The following ZNF532 variants were observed in gnomAD, a reference collection of about 807,000 sequenced individuals.
The protein encoded by ZNF532 is zinc finger protein 532.
A neutral mutation model predicts 89.3 loss-of-function variants in ZNF532; 22 were observed. The observed-to-expected ratio is 0.25, with a 90% CI of 0.18 to 0.35. The LOEUF (loss-of-function observed/expected upper bound fraction) is 0.35. Ranked by LOEUF, ZNF532 falls within the 10% of genes least tolerant of loss-of-function variation. The probability of loss-of-function intolerance (pLI) is 1.00; values close to 1 mark genes in which losing one functional copy is unlikely to be tolerated. For missense variants in ZNF532, 1,132 were observed against 1,643.4 expected, an observed-to-expected ratio of 0.69 and a Z score of 5.38; for synonymous variants, 606 against 649.6, an observed-to-expected ratio of 0.93 and a Z score of 1.02.
At chr18:58,884,747 A>G (rs370237348) in intron 2 of ZNF532, among the ~76,000 whole-genome samples, 17 of 152,340 alleles carry the variant, frequency 1.1e-4, no homozygotes, top group African/African-American at 3.8e-4. Flanking sequence ...TTGAAATATT[A>G]AAATTCATCA....
Position 58,918,517 on chromosome 18 carries a change from G to T in ZNF532, c.230G>T (p.Gly77Val). ...CGGAACATTGACTCTTCCGAGGGCG[G>T]GGAGAAAGACGGCCACAACCCCACT... ...NVRNIDSSEG[G>V]EKDGHNPTGN... is the part of the protein sequence containing the mutation. Residue 77 changes from glycine (G) to valine (V), a missense_variant, in exon 3 of 10, where the codon GGG becomes GTG. Around this residue, in one of 9 missense-constraint regions of ZNF532, gnomAD observed 302 missense variants for 319.8 expected, o/e 0.94. Transcript: ENST00000591808. 1 of 1,614,208 alleles carries T rather than the reference G, an allele frequency of 6.2e-7. No homozygotes were observed. Among genetic ancestry groups the T allele is most frequent in the Non-Finnish European group, 8.5e-7 (1 of 1,180,048 alleles).
intron 2 of ZNF532, among the ~76,000 whole-genome samples, chr18:58,899,516 T>A (rs549991484): frequency 6.6e-6 from 1 of 152,314 alleles, no homozygotes; most frequent in East Asian, 1.9e-4. Context: ...TCACCCAGGC[T>A]GGAGTGCAGT....
intron 6 of ZNF532, among the ~76,000 whole-genome samples, chr18:58,948,499 G>A (rs917438880): frequency 6.7e-6 from 1 of 150,286 alleles, no homozygotes; most frequent in Non-Finnish European, 1.5e-5. Flanking sequence ...AAAGTACTAA[G>A]TTTTTTGTTT....
At chr18:58,880,708 G>A (rs945639599) in intron 2 of ZNF532, among the ~76,000 whole-genome samples, 2 of 142,314 alleles carry the variant, frequency 1.4e-5, no homozygotes, top group African/African-American at 5.0e-5. Flanking sequence ...TAAAGTTCAG[G>A]GTCTTTTATA....
At chr18:58,916,401 C>T (rs751167021) in intron 2 of ZNF532, among the ~76,000 whole-genome samples, 39 of 152,296 alleles carry the variant, frequency 2.6e-4, no homozygotes, top group Admixed American at 5.2e-4. Flanking sequence ...GATATTTGTA[C>T]GTCAGTATCC....
chr18:58,979,322 G>T (rs2067428024), intron 8 of ZNF532, 155 bp downstream of exon 8: 5 of 474,002 alleles, frequency 1.1e-5, no homozygotes, highest in South Asian at 6.4e-5. Context: ...TTTTGGATTG[G>T]GTTGTCACAC....
intron 5 of ZNF532, among the ~76,000 whole-genome samples, chr18:58,946,021 G>A (rs995710052): frequency 5.3e-5 from 8 of 152,080 alleles, no homozygotes; most frequent in African/African-American, 1.2e-4. Context: ...GAGCCACTGC[G>A]CCCGGCCAAG....
At chr18:58,923,830 C>T (rs1411554083) in intron 3 of ZNF532, among the ~76,000 whole-genome samples, 1 of 151,870 alleles carries the variant, frequency 6.6e-6, no homozygotes, top group South Asian at 2.1e-4. Flanking sequence ...TGTGCCAAGC[C>T]CCTCCTTTCC....
intron 3 of ZNF532, among the ~76,000 whole-genome samples, chr18:58,933,243 A>G (rs2146433726): frequency 6.6e-6 from 1 of 152,290 alleles, no homozygotes; most frequent in Non-Finnish European, 1.5e-5. Flanking sequence ...TTTTGTGATT[A>G]TAATAAACAT....
Position 58,984,561 on chromosome 18 carries a change from G to A in ZNF532, c.*95G>A. The A allele has an allele frequency of 1.4e-6, 2 of 1,421,820 alleles. No homozygotes were observed. Among genetic ancestry groups the A allele is most frequent in the Non-Finnish European group, 1.9e-6 (2 of 1,067,870 alleles). 88.1% of individuals were successfully genotyped at this position (1,421,820 alleles called of 1,614,324 possible). On this transcript the variant is annotated 3_prime_UTR_variant, in exon 10 of 10. Transcript: ENST00000591808. Reference sequence around the variant, plus strand: ...GCAGTATAATAGAGTTAACAGTACTGTCTAGGCTGTTGCAATATATTCTCT... The same window carrying A: ...GCAGTATAATAGAGTTAACAGTACTATCTAGGCTGTTGCAATATATTCTCT...
chr18:58,961,232 T>C (rs2065315885), intron 7 of ZNF532, among the ~76,000 whole-genome samples: 1 of 152,250 alleles, frequency 6.6e-6, no homozygotes, highest in South Asian at 2.1e-4. Context: ...CTGATGCTGA[T>C]GCTGATGCTG....
intron 3 of ZNF532, among the ~76,000 whole-genome samples, chr18:58,929,830 A>G (rs1603203192): frequency 6.6e-6 from 1 of 152,240 alleles, no homozygotes; most frequent in Non-Finnish European, 1.5e-5. Context: ...GAGATCTGAA[A>G]TGAAATGCTT....
chr18:58,902,362 G>A (rs768543170), intron 2 of ZNF532, among the ~76,000 whole-genome samples: 1 of 152,170 alleles, frequency 6.6e-6, no homozygotes, highest in African/African-American at 2.4e-5. Flanking sequence ...ATGAAATTTT[G>A]TTGCCCTTTT....
At chr18:58,933,179 G>A (rs1424331919) in intron 3 of ZNF532, among the ~76,000 whole-genome samples, 1 of 151,886 alleles carries the variant, frequency 6.6e-6, no homozygotes, top group East Asian at 1.9e-4. Flanking sequence ...TGAGAAAAGG[G>A]GTGCTATTTT....
chr18:58,949,031 CT>C (rs748660347), intron 6 of ZNF532, among the ~76,000 whole-genome samples: 407 of 141,488 alleles, frequency 2.9e-3, no homozygotes, highest in Non-Finnish European at 3.8e-3. Flanking sequence ...CTTTTAGTTT[CT>C]TTTTTTTTTT....
Position 58,871,512 on chromosome 18 carries a change from T to G in ZNF532, c.-18+5933T>G, listed in dbSNP as rs114062173. Among the ~76,000 whole-genome samples the G allele has an allele frequency of 4.8e-3, 737 of 152,348 alleles. 7 individuals carry two copies. The highest frequency in any genetic ancestry group is 0.016 in the African/African-American group (668 of 41,576). On this transcript the variant is annotated intron_variant, in intron 2 of 9. Coordinates refer to ENST00000591808, the MANE Select transcript of ZNF532 (RefSeq NM_001375912.1). ...TCGTAAGTGGAAGTGGAAACAGGATTTGAAACATGCTCCTTCTCACTGTGC... is the reference window on the plus strand; with the variant it reads ...TCGTAAGTGGAAGTGGAAACAGGATGTGAAACATGCTCCTTCTCACTGTGC...
chr18:58,911,294 C>T (rs778211711), intron 2 of ZNF532, among the ~76,000 whole-genome samples: 4 of 152,196 alleles, frequency 2.6e-5, no homozygotes, highest in African/African-American at 4.8e-5. Flanking sequence ...CTTGGCAAAG[C>T]CAGCATGAAG....
chr18:58,942,190 T>G (rs2063170786), intron 5 of ZNF532, among the ~76,000 whole-genome samples: 1 of 151,424 alleles, frequency 6.6e-6, no homozygotes, highest in African/African-American at 2.4e-5. Flanking sequence ...GCCTGGCTAA[T>G]TTTTTGTATT....
At chr18:58,871,537 C>T (rs2056983285) in intron 2 of ZNF532, among the ~76,000 whole-genome samples, 1 of 152,230 alleles carries the variant, frequency 6.6e-6, no homozygotes, top group African/African-American at 2.4e-5. Flanking sequence ...TCTCACTGTG[C>T]TGTTCTGCCT....
Sources: gnomAD v4.1 joint callset for allele counts (sites outside exome capture counted in the v4.1 genomes callset) on GRCh38, gnomAD v4.1.1 for gene constraint, gnomAD v4.1.1 regional missense constraint, MANE v1.5 for transcripts, NCBI Gene and HGNC (gene_info 2026-07-23, HGNC 2026-07-21) for gene names.